The following WWOX variants were observed in gnomAD, a reference collection of about 807,000 sequenced individuals.
WWOX encodes WW domain containing oxidoreductase.
WWOX carries 69 observed loss-of-function variants against 46.2 expected under a neutral mutation model. The observed-to-expected ratio is 1.49, with a 90% CI of 1.23 to 1.82. The LOEUF is 1.82. WWOX is among the 40% of genes most tolerant of loss of function. WWOX has a pLI of 0.00. For missense variants in WWOX, 919 were observed against 542.6 expected (o/e 1.69, Z -6.89); for synonymous variants, 359 against 202.6 (o/e 1.77, Z -6.56).
At position 79,212,059 on chromosome 16, in the gene WWOX, C is replaced by CGTGTAGGTGAAAGTAAAAACCTGG. The variant is rs1567626017; in HGVS notation, c.*263_*264insGTGTAGGTGAAAGTAAAAACCTGG. ...TGGCCTGTTTGAAAGTAAAAACCTG[C>CGTGTAGGTGAAAGTAAAAACCTGG]TTGGTGTGTAGGTTCCGTATCTCCC... On this transcript the variant is annotated 3_prime_UTR_variant, in exon 9 of 9. Coordinates refer to ENST00000566780, the MANE Select transcript of WWOX (RefSeq NM_016373.4). 12 of 1,535,820 alleles carry CGTGTAGGTGAAAGTAAAAACCTGG rather than the reference C, an allele frequency of 7.8e-6. No individual in the cohort carries two copies. Among genetic ancestry groups the CGTGTAGGTGAAAGTAAAAACCTGG allele is most frequent in the Non-Finnish European group, 9.6e-6 (11 of 1,146,818 alleles).
chr16:78,400,765 T>G (rs1305717799), intron 6 of WWOX, among the ~76,000 whole-genome samples: 1 of 152,240 alleles, frequency 6.6e-6, no homozygotes, highest in Non-Finnish European at 1.5e-5. Flanking sequence ...TCATTAAATT[T>G]GTATCAATGA....
chr16:78,873,172 G>A (rs1567617736), intron 8 of WWOX: 1 of 152,142 alleles, frequency 6.6e-6, no homozygotes, highest in African/African-American at 2.4e-5. Context: ...TTCAGTTTGT[G>A]AAAAATTTGA....
At chr16:78,232,128 T>A (rs9935037) in intron 5 of WWOX, among the ~76,000 whole-genome samples, 125,396 of 151,788 alleles carry the variant, frequency 0.83, 52,262 homozygotes, top group African/African-American at 0.94. Context: ...TTATTTTTTT[T>A]AAAAAAATGA....
intron 8 of WWOX, among the ~76,000 whole-genome samples, chr16:78,640,677 G>A (rs1160207876): frequency 6.6e-6 from 1 of 152,106 alleles, no homozygotes; most frequent in African/African-American, 2.4e-5. Context: ...GGTGGCTCAC[G>A]CCTGTAATCC....
chr16:78,557,689 A>AGTTTTTTTTTTT (rs2044336297), intron 8 of WWOX, among the ~76,000 whole-genome samples: 1 of 96,648 alleles, frequency 1.0e-5, no homozygotes, highest in African/African-American at 5.2e-5. Flanking sequence ...CTAGGGAAGG[A>AGTTTTTTTTTTT]TTTTTTTTTT....
chr16:78,618,824 G>A (rs1247307664), intron 8 of WWOX, among the ~76,000 whole-genome samples: 1 of 151,868 alleles, frequency 6.6e-6, no homozygotes, highest in Non-Finnish European at 1.5e-5. Flanking sequence ...GAATTGGTCA[G>A]TGACCAATCA....
chr16:79,003,953 G>T lies in WWOX; in HGVS notation c.1057-207655G>T, dbSNP rs576122078. 9.2e-5 allele frequency among the ~76,000 whole-genome samples: 14 copies of T among 152,238 alleles called. No homozygotes were observed. In the South Asian group the frequency reaches 2.9e-3, roughly 32 times the overall value. ...CACTGTCCTGGGGCCTTTGCTCTTT[G>T]CCCTTCCCTTTGCCAAGAAAGTTCC... On this transcript the variant is annotated intron_variant, in intron 8 of 8. Coordinates refer to ENST00000566780, the MANE Select transcript of WWOX (RefSeq NM_016373.4).
At chr16:78,780,447 C>G (rs1043065272) in intron 8 of WWOX, 1 of 151,914 alleles carries the variant, frequency 6.6e-6, no homozygotes, top group Non-Finnish European at 1.5e-5. Context: ...ATAAACAAGT[C>G]AAAAACAAAA....
chr16:78,679,493 G>A (rs111422894), intron 8 of WWOX, among the ~76,000 whole-genome samples: 77 of 152,276 alleles, frequency 5.1e-4, no homozygotes, highest in African/African-American at 1.8e-3. Context: ...AGAGGTTGCA[G>A]TGAGCCAAAA....
intron 8 of WWOX, among the ~76,000 whole-genome samples, chr16:78,704,768 C>G (rs2048296779): frequency 6.6e-6 from 1 of 152,130 alleles, no homozygotes; most frequent in South Asian, 2.1e-4. Flanking sequence ...CCTGTTGACT[C>G]CTTTCTTTCA....
At chr16:78,514,076 A>T (rs2085430186) in intron 8 of WWOX, among the ~76,000 whole-genome samples, 1 of 152,192 alleles carries the variant, frequency 6.6e-6, no homozygotes, top group African/African-American at 2.4e-5. Flanking sequence ...TAATAGAATG[A>T]CTCAAAATCA....
At chr16:78,826,058 C>A in intron 8 of WWOX, 2 of 421,582 alleles carry the variant, frequency 4.7e-6, no homozygotes, top group Non-Finnish European at 8.5e-6. Context: ...TTTGTAAAGA[C>A]ATTTAATAAA....
At chr16:78,264,168 A>G (rs1183875474) in intron 5 of WWOX, among the ~76,000 whole-genome samples, 1 of 151,938 alleles carries the variant, frequency 6.6e-6, no homozygotes, top group African/African-American at 2.4e-5. Context: ...GCTCATCACC[A>G]CAGAGGGCCC....
At chr16:78,663,071 A>G (rs1279382152) in intron 8 of WWOX, among the ~76,000 whole-genome samples, 1 of 152,150 alleles carries the variant, frequency 6.6e-6, no homozygotes, top group Non-Finnish European at 1.5e-5. Context: ...TATAGTCACA[A>G]ACTTGTGCAG....
At chr16:78,915,616 G>T (rs1172519074) in intron 8 of WWOX, among the ~76,000 whole-genome samples, 1 of 152,090 alleles carries the variant, frequency 6.6e-6, no homozygotes, top group African/African-American at 2.4e-5. Flanking sequence ...CAAAATAACA[G>T]ACAGTGTTAT....
chr16:78,915,047 A>C (rs2045215336), intron 8 of WWOX, among the ~76,000 whole-genome samples: 1 of 152,170 alleles, frequency 6.6e-6, no homozygotes, highest in Non-Finnish European at 1.5e-5. Flanking sequence ...AGCCTGATCC[A>C]CAAGTTCAGG....
intron 8 of WWOX, among the ~76,000 whole-genome samples, chr16:78,915,904 A>C (rs953976653): frequency 6.6e-6 from 1 of 152,220 alleles, no homozygotes; most frequent in East Asian, 1.9e-4. Context: ...CTGAATTTTA[A>C]TTTGCTATTT....
At chr16:78,865,444 C>A (rs74032406) in intron 8 of WWOX, among the ~76,000 whole-genome samples, 1 of 152,172 alleles carries the variant, frequency 6.6e-6, no homozygotes. Flanking sequence ...ATGGCTCCTT[C>A]TCTTCCTTGC....
intron 8 of WWOX, among the ~76,000 whole-genome samples, chr16:78,830,595 A>C (rs891540057): frequency 1.3e-5 from 2 of 152,046 alleles, no homozygotes; most frequent in Admixed American, 1.3e-4. Context: ...CAAGGTCACT[A>C]AATTAAGCCT....
Sources: gnomAD v4.1 joint callset for allele counts (sites outside exome capture counted in the v4.1 genomes callset) on GRCh38, gnomAD v4.1.1 for gene constraint, MANE v1.5 for transcripts, NCBI Gene and HGNC (gene_info 2026-07-23, HGNC 2026-07-21) for gene names.